MAP3K20: variants seen among roughly 807,000 people sequenced by gnomAD.
MAP3K20 encodes HCCS-4.
Under a neutral mutation model 85.7 loss-of-function variants are expected in MAP3K20, and 40 were observed. That is an observed-to-expected ratio of 0.47 (90% CI 0.36 to 0.61). The LOEUF (loss-of-function observed/expected upper bound fraction) is 0.61. MAP3K20 is among the 20% of genes least tolerant of loss of function. MAP3K20 has a pLI of 0.00. For missense variants in MAP3K20, 817 were observed against 961.7 expected (o/e 0.85, Z 1.99); for synonymous variants, 325 against 327.7 (o/e 0.99, Z 0.09).
intron 12 of MAP3K20, among the ~76,000 whole-genome samples, chr2:173,230,122 G>C (rs1325908273): frequency 2.6e-5 from 4 of 152,152 alleles, no homozygotes; most frequent in African/African-American, 4.8e-5. Context: ...GTGAGCCACT[G>C]TGCCTGGCCT....
At chr2:173,111,576 A>C (rs1364626957) in intron 2 of MAP3K20, among the ~76,000 whole-genome samples, 6 of 152,226 alleles carry the variant, frequency 3.9e-5, no homozygotes. Context: ...TTAAGTCCTT[A>C]ATCCATGTTC....
intron 11 of MAP3K20, chr2:173,222,125 C>T: frequency 1.1e-6 from 1 of 892,376 alleles, no homozygotes. Context: ...TTGCTTGAGA[C>T]CTAGCAATCA....
At chr2:173,184,252 C>T (rs1165544819) in intron 4 of MAP3K20, among the ~76,000 whole-genome samples, 1 of 152,116 alleles carries the variant, frequency 6.6e-6, no homozygotes, top group African/African-American at 2.4e-5. Flanking sequence ...GTGGAAATAC[C>T]CTTAAATAAT....
chr2:173,092,129 A>G (rs1017639465), intron 2 of MAP3K20, among the ~76,000 whole-genome samples: 4 of 152,326 alleles, frequency 2.6e-5, no homozygotes, highest in Admixed American at 2.0e-4. Flanking sequence ...AAATGGTAGC[A>G]CTTTGTGAGT....
intron 10 of MAP3K20, 117 bp downstream of exon 10, chr2:173,209,952 G>A: frequency 1.1e-6 from 1 of 918,034 alleles, no homozygotes. Context: ...ATAGCTTAGG[G>A]AAAAAGAAAA....
chr2:173,101,712 A>G (rs956666057), intron 2 of MAP3K20, among the ~76,000 whole-genome samples: 1 of 152,234 alleles, frequency 6.6e-6, no homozygotes, highest in Non-Finnish European at 1.5e-5. Context: ...GATAGTTTCA[A>G]AATTGATATG....
At chr2:173,191,246 T>C in intron 7 of MAP3K20, 69 bp downstream of exon 7, 7 of 1,576,570 alleles carry the variant, frequency 4.4e-6, no homozygotes, top group Non-Finnish European at 6.0e-6. Context: ...AGAAGAGAGA[T>C]ACAGTTTAAC....
At chr2:173,143,118 G>A (rs1212094065) in intron 2 of MAP3K20, among the ~76,000 whole-genome samples, 1 of 152,166 alleles carries the variant, frequency 6.6e-6, no homozygotes, top group Non-Finnish European at 1.5e-5. Context: ...ACACAGATCT[G>A]TTGAAAGTAA....
chr2:173,098,206 A>G (rs185431602), intron 2 of MAP3K20, among the ~76,000 whole-genome samples: 1 of 152,230 alleles, frequency 6.6e-6, no homozygotes, highest in African/African-American at 2.4e-5. Flanking sequence ...TAGTTTCTAT[A>G]ATAACTCGTC....
At chr2:173,246,225 G>A (rs1256295164) in intron 16 of MAP3K20, among the ~76,000 whole-genome samples, 1 of 152,108 alleles carries the variant, frequency 6.6e-6, no homozygotes, top group African/African-American at 2.4e-5. Context: ...TCAGTCTAAA[G>A]GTCTAACTAC....
intron 1 of MAP3K20, among the ~76,000 whole-genome samples, chr2:173,078,585 C>T (rs1238067205): frequency 6.6e-6 from 1 of 152,122 alleles, no homozygotes; most frequent in African/African-American, 2.4e-5. Flanking sequence ...ATGTCAGACC[C>T]TCCTACGGAT....
At chr2:173,081,836 A>G (rs559518088) in intron 1 of MAP3K20, among the ~76,000 whole-genome samples, 71 of 152,266 alleles carry the variant, frequency 4.7e-4, no homozygotes, top group African/African-American at 1.6e-3. Context: ...ATAGTAGATT[A>G]GTCATCAACT....
chr2:173,189,861 G>A (rs554203188), intron 5 of MAP3K20, among the ~76,000 whole-genome samples: 40 of 151,982 alleles, frequency 2.6e-4, no homozygotes, highest in African/African-American at 8.9e-4. Context: ...TTTTTGACTC[G>A]GTCAACTTTT....
chr2:173,078,592 G>T (rs915317305), intron 1 of MAP3K20, among the ~76,000 whole-genome samples: 2 of 152,064 alleles, frequency 1.3e-5, no homozygotes, highest in East Asian at 1.9e-4. Flanking sequence ...ACCCTCCTAC[G>T]GATGCTGAAG....
At chr2:173,200,601 T>C (rs1264756533) in intron 8 of MAP3K20, among the ~76,000 whole-genome samples, 1 of 152,152 alleles carries the variant, frequency 6.6e-6, no homozygotes, top group Non-Finnish European at 1.5e-5. Context: ...TTGAAATAAT[T>C]ATAGATTCAC....
intron 3 of MAP3K20, among the ~76,000 whole-genome samples, chr2:173,176,246 ATTTTT>A (rs1410412036): frequency 1.3e-5 from 2 of 152,022 alleles, no homozygotes; most frequent in African/African-American, 2.4e-5. Flanking sequence ...TCCTACTTTT[ATTTTT>A]GTTTTTTATT....
At chr2:173,212,604 C>T (rs1683940848) in intron 10 of MAP3K20, 1 of 152,058 alleles carries the variant, frequency 6.6e-6, no homozygotes, top group Non-Finnish European at 1.5e-5. Flanking sequence ...TCAAGACTAG[C>T]CTGAGCAACG....
chr2:173,176,339 G>A (rs1690153954), intron 3 of MAP3K20, among the ~76,000 whole-genome samples: 1 of 151,940 alleles, frequency 6.6e-6, no homozygotes, highest in Non-Finnish European at 1.5e-5. Flanking sequence ...ATTGTATAAA[G>A]CAATACGTTT....
intron 1 of MAP3K20, among the ~76,000 whole-genome samples, chr2:173,088,468 A>C (rs774586202): frequency 1.2e-4 from 18 of 152,194 alleles, no homozygotes; most frequent in African/African-American, 4.1e-4. Context: ...ATGGAAAATC[A>C]AGAAATAGTA....
Sources: gnomAD v4.1 joint callset for allele counts (sites outside exome capture counted in the v4.1 genomes callset) on GRCh38, gnomAD v4.1.1 for gene constraint, MANE v1.5 for transcripts, NCBI Gene and HGNC (gene_info 2026-07-23, HGNC 2026-07-21) for gene names.